The following ME1 variants were observed in gnomAD, a reference collection of about 807,000 sequenced individuals.
ME1 encodes the protein NADP-dependent malic enzyme.
In ME1, 74 loss-of-function variants were observed where a neutral mutation model predicts 66.4. That is an observed-to-expected ratio of 1.11 (90% CI 0.92 to 1.35). The LOEUF is 1.35. ME1 is among the 40% of genes most tolerant of loss of function. The pLI is 0.00. For synonymous variants in ME1, 251 were observed against 235.6 expected (o/e 1.07, Z -0.60); for missense variants, 750 against 694.1 (o/e 1.08, Z -0.90).
At chr6:83,235,834 T>C (rs1562454846) in intron 9 of ME1, among the ~76,000 whole-genome samples, 1 of 152,146 alleles carries the variant, frequency 6.6e-6, no homozygotes, top group Non-Finnish European at 1.5e-5. Context: ...TATATACTTA[T>C]TTACTACAAA....
At position 83,320,248 on chromosome 6, in the gene ME1, G is replaced by T. The variant is rs1028439622; in HGVS notation, c.601-4835C>A. Among the ~76,000 whole-genome samples, 5 of 152,306 alleles carry T rather than the reference G, an allele frequency of 3.3e-5. No homozygotes were observed. In the East Asian group the frequency reaches 5.8e-4, roughly 18 times the overall value. ...CCACTGAGAGGGTGATGTTAAGAAG[G>T]TTAAACCTTCAGATGTTAAGAATAA... On this transcript the variant is annotated intron_variant, in intron 5 of 13. Transcript: ENST00000369705.
At chr6:83,345,669 T>A (rs1416936118) in intron 5 of ME1, among the ~76,000 whole-genome samples, 1 of 152,050 alleles carries the variant, frequency 6.6e-6, no homozygotes, top group Non-Finnish European at 1.5e-5. Context: ...AGCTAGTTAA[T>A]CCTAAATATT....
intron 6 of ME1, among the ~76,000 whole-genome samples, chr6:83,300,610 CTTTTTTTTTTTT>C (rs35205380): frequency 1.4e-3 from 122 of 84,970 alleles, no homozygotes; most frequent in African/African-American, 5.3e-3. Flanking sequence ...TTCTTTCTTT[CTTTTTTTTTTTT>C]TTTTTTTTTT....
intron 3 of ME1, among the ~76,000 whole-genome samples, chr6:83,356,876 C>T (rs1768899739): frequency 6.6e-6 from 1 of 152,088 alleles, no homozygotes; most frequent in South Asian, 2.1e-4. Context: ...AATATTGACA[C>T]ATTATTACCA....
At chr6:83,292,234 G>T (rs984204915) in intron 6 of ME1, among the ~76,000 whole-genome samples, 1 of 152,108 alleles carries the variant, frequency 6.6e-6, no homozygotes, top group Non-Finnish European at 1.5e-5. Context: ...TTCTGCTCTG[G>T]TTTCTACACA....
chr6:83,406,190 C>T (rs145697706), intron 2 of ME1, among the ~76,000 whole-genome samples: 39 of 152,176 alleles, frequency 2.6e-4, no homozygotes, highest in Non-Finnish European at 4.6e-4. Context: ...AACTTGATTG[C>T]GGTGGATAAG....
At chr6:83,286,406 G>T (rs963471504) in intron 6 of ME1, among the ~76,000 whole-genome samples, 1 of 152,134 alleles carries the variant, frequency 6.6e-6, no homozygotes, top group South Asian at 2.1e-4. Flanking sequence ...AAAAAATAAT[G>T]CTTCTTTAAC....
In ME1 at chr6:83,211,875, G is replaced by T; in HGVS notation, c.*49C>A. On this transcript the variant is annotated 3_prime_UTR_variant, in exon 14 of 14. Coordinates refer to ENST00000369705, the MANE Select transcript of ME1 (RefSeq NM_002395.6). ...AAAGATTCCAACCTTTAAAAATTATGAAAGGTTTAAAGACCTCATTAATAG... is the reference window on the plus strand; with the variant it reads ...AAAGATTCCAACCTTTAAAAATTATTAAAGGTTTAAAGACCTCATTAATAG... 8.0e-7 allele frequency: 1 copy of T among 1,243,540 alleles called. No homozygotes were observed. The highest frequency in any genetic ancestry group is 1.1e-6 in the Non-Finnish European group (1 of 933,384). The allele number at this position is 1,243,540 out of a possible 1,614,324, so 77.0% of individuals were successfully genotyped here.
rs192115377 is a variant in ME1, at chr6:83,289,104, A to T, written c.704+26206T>A. On this transcript the variant is annotated intron_variant, in intron 6 of 13. Coordinates refer to ENST00000369705, the MANE Select transcript of ME1 (RefSeq NM_002395.6). ...ATCATGTCATCTGCAAACAGAGACA[A>T]TTTGAATTCCTCTCTTCCTACTTGA... is the stretch of plus-strand genomic sequence containing the variant. Among the ~76,000 whole-genome samples the T allele has an allele frequency of 3.8e-3, 576 of 152,326 alleles. 1 individual carries two copies. The highest frequency in any genetic ancestry group is 0.024 in the Middle Eastern group (7 of 292).
At chr6:83,298,931 GTTTTT>G (rs61055748) in intron 6 of ME1, among the ~76,000 whole-genome samples, 1 of 22,496 alleles carries the variant, frequency 4.4e-5, no homozygotes, top group African/African-American at 1.9e-4. Context: ...CTATGTGTCT[GTTTTT>G]TTTTTTTTTT....
chr6:83,344,289 C>CAAA (rs11402376), intron 5 of ME1, among the ~76,000 whole-genome samples: 2 of 106,000 alleles, frequency 1.9e-5, no homozygotes, highest in African/African-American at 7.2e-5. Context: ...CTATCTCTTA[C>CAAA]AAAAAAAAAA....
intron 5 of ME1, among the ~76,000 whole-genome samples, chr6:83,341,824 C>G (rs1230229088): frequency 1.3e-5 from 2 of 152,128 alleles, no homozygotes; most frequent in South Asian, 4.2e-4. Flanking sequence ...AAACCCCTAC[C>G]TTTTCTGCTG....
Position 83,348,885 on chromosome 6 carries a change from G to C in ME1, c.439-2551C>G, listed in dbSNP as rs529930671. Among the ~76,000 whole-genome samples the C allele has an allele frequency of 3.7e-4, 56 of 149,946 alleles. 1 individual carries two copies. The South Asian group carries it at 0.011, about 31-fold the overall frequency. The stretch of plus-strand genomic sequence containing the variant: ...TAGCCTCCCAGCTACTCGGGAGGCT[G>C]AGGCAGAAGAATTGCTTGAACCTAG... On this transcript the variant is annotated intron_variant, in intron 4 of 13. Coordinates refer to ENST00000369705, the MANE Select transcript of ME1 (RefSeq NM_002395.6).
chr6:83,241,888 C>T (rs964835695), intron 7 of ME1, among the ~76,000 whole-genome samples: 3 of 151,878 alleles, frequency 2.0e-5, no homozygotes, highest in African/African-American at 4.8e-5. Flanking sequence ...TTTGAGTCAG[C>T]GTCTTACTCT....
At chr6:83,404,518 C>A (rs1172591960) in intron 2 of ME1, among the ~76,000 whole-genome samples, 1 of 152,110 alleles carries the variant, frequency 6.6e-6, no homozygotes. Flanking sequence ...TCAATTAGAT[C>A]CCATTTGTGA....
chr6:83,237,431 G>C (rs978082115), intron 9 of ME1, among the ~76,000 whole-genome samples: 1 of 124,516 alleles, frequency 8.0e-6, no homozygotes, highest in Non-Finnish European at 1.7e-5. Context: ...AAAGAGAAAG[G>C]AAAGAAAGGA....
intron 6 of ME1, among the ~76,000 whole-genome samples, chr6:83,283,823 G>A (rs766874731): frequency 1.2e-4 from 19 of 152,028 alleles, no homozygotes; most frequent in Non-Finnish European, 2.5e-4. Context: ...CATGCCTAGA[G>A]GAACTAGAGG....
chr6:83,282,689 A>G (rs1228642531), intron 6 of ME1, among the ~76,000 whole-genome samples: 1 of 152,188 alleles, frequency 6.6e-6, no homozygotes, highest in Non-Finnish European at 1.5e-5. Context: ...ATCATTGTGG[A>G]AAACAGTGTG....
intron 3 of ME1, among the ~76,000 whole-genome samples, chr6:83,373,393 G>A (rs568037813): frequency 6.6e-6 from 1 of 152,076 alleles, no homozygotes; most frequent in South Asian, 2.1e-4. Flanking sequence ...GTGCCAACAA[G>A]CCCAGCTAAT....
Sources: gnomAD v4.1 joint callset for allele counts (sites outside exome capture counted in the v4.1 genomes callset) on GRCh38, gnomAD v4.1.1 for gene constraint, MANE v1.5 for transcripts, NCBI Gene and HGNC (gene_info 2026-07-23, HGNC 2026-07-21) for gene names.